Variants in GAL observed in about 807,000 individuals in gnomAD.
GAL encodes galanin peptides.
In GAL, 14 loss-of-function variants were observed where a neutral mutation model predicts 15.8. The observed-to-expected ratio is 0.89, with a 90% CI of 0.59 to 1.39. The LOEUF (loss-of-function observed/expected upper bound fraction) is 1.39. Ranked by LOEUF, GAL falls within the 40% of genes most tolerant of loss-of-function variation. The pLI is 0.00. For synonymous variants in GAL, 79 were observed against 73.8 expected (o/e 1.07, Z -0.36); for missense variants, 176 against 170.4 (o/e 1.03, Z -0.18).
chr11:68,686,661 G>T (rs192877438), intron 3 of GAL, among the ~76,000 whole-genome samples: 11 of 152,266 alleles, frequency 7.2e-5, no homozygotes, highest in African/African-American at 2.6e-4. Context: ...CGTGCGGATC[G>T]GTCCAGGCTG....
At chr11:68,686,594 C>A (rs748859299) in intron 3 of GAL, among the ~76,000 whole-genome samples, 1 of 152,316 alleles carries the variant, frequency 6.6e-6, no homozygotes, top group East Asian at 1.9e-4. Flanking sequence ...ACTCAGAGGA[C>A]CCCCAGAGTC....
At chr11:68,687,826 C>T (rs1241026880) in intron 3 of GAL, among the ~76,000 whole-genome samples, 188 bp from the exon 4 acceptor site, 3 of 152,140 alleles carry the variant, frequency 2.0e-5, no homozygotes, top group South Asian at 4.1e-4. Context: ...CTGGTGTGAG[C>T]GGCCAAGCTC....
chr11:68,686,624 C>T (rs1029342513), intron 3 of GAL, among the ~76,000 whole-genome samples: 6 of 152,214 alleles, frequency 3.9e-5, no homozygotes, highest in Admixed American at 6.5e-5. Flanking sequence ...GAAACAGACA[C>T]GGGGATGACA....
Position 68,685,651 on chromosome 11 carries a change from A to G in GAL, c.136+3A>G, listed in dbSNP as rs762854158. 8 of 1,609,826 alleles carry G rather than the reference A, an allele frequency of 5.0e-6. No individual in the cohort carries two copies. The South Asian group carries it at 5.5e-5, about 11-fold the overall frequency. ...CGCGGGCTACCTGCTGGGCCCACGT[A>G]AGTGACTGACAGCATGGCCTCCCCA... On this transcript the variant is annotated splice_donor_region_variant and intron_variant, in intron 3 of 5. Coordinates refer to ENST00000265643, the MANE Select transcript of GAL (RefSeq NM_015973.5).
At chr11:68,690,853 G>A (rs1945898005) in intron 5 of GAL, 64 bp from the exon 6 acceptor site, 2 of 1,020,018 alleles carry the variant, frequency 2.0e-6, no homozygotes, top group Admixed American at 1.7e-5. Flanking sequence ...CATGTGTCGT[G>A]GTTGTAATTC....
intron 5 of GAL, among the ~76,000 whole-genome samples, chr11:68,690,077 T>G (rs1221177083): frequency 6.6e-6 from 1 of 150,824 alleles, no homozygotes; most frequent in African/African-American, 2.5e-5. Flanking sequence ...GGGGAGGCAG[T>G]GGTGGGGAGG....
intron 3 of GAL, 37 bp downstream of exon 3, chr11:68,685,685 C>T (rs1945845731): frequency 1.4e-6 from 2 of 1,473,512 alleles, no homozygotes; most frequent in Admixed American, 1.7e-5. Context: ...CACTCCTGAC[C>T]CCACCTGCCC....
chr11:68,685,634 A>T lies in GAL; in HGVS notation c.122A>T (p.Tyr41Phe). 1 of 1,612,926 alleles carries T rather than the reference A, an allele frequency of 6.2e-7. No homozygotes were observed. The highest frequency in any genetic ancestry group is 2.2e-5 in the East Asian group (1 of 44,856). The change falls in exon 3 of 6, where the codon TAC (tyrosine) becomes TTC (phenylalanine). Residue 41 changes from tyrosine (Y) to phenylalanine (F), a missense_variant. Coordinates refer to ENST00000265643, the MANE Select transcript of GAL (RefSeq NM_015973.5). ...GGCTGGACCCTGAACAGCGCGGGCTACCTGCTGGGCCCACGTAAGTGACTG... is the reference window on the plus strand; with the variant it reads ...GGCTGGACCCTGAACAGCGCGGGCTTCCTGCTGGGCCCACGTAAGTGACTG... Reference protein sequence around the residue: ...KRGWTLNSAGYLLGPHAVGNH... With the variant: ...KRGWTLNSAGFLLGPHAVGNH...
At chr11:68,685,942 C>T (rs1945848614) in intron 3 of GAL, among the ~76,000 whole-genome samples, 1 of 152,206 alleles carries the variant, frequency 6.6e-6, no homozygotes, top group African/African-American at 2.4e-5. Flanking sequence ...GGGCCTCTCC[C>T]CAGGCCCCCG....
chr11:68,689,543 C>T (rs1356065824), intron 5 of GAL, among the ~76,000 whole-genome samples: 2 of 152,032 alleles, frequency 1.3e-5, no homozygotes, highest in Non-Finnish European at 2.9e-5. Flanking sequence ...AAAACAGGTG[C>T]GCACAATTAT....
chr11:68,686,443 C>T (rs528094729), intron 3 of GAL, among the ~76,000 whole-genome samples: 2 of 152,342 alleles, frequency 1.3e-5, no homozygotes, highest in South Asian at 2.1e-4. Context: ...GTGAACAGCA[C>T]GCAGGGCCTA....
intron 2 of GAL, 27 bp from the exon 3 acceptor site, chr11:68,685,567 C>A (rs370408784): frequency 1.3e-6 from 2 of 1,571,800 alleles, no homozygotes; most frequent in East Asian, 4.5e-5. Context: ...ACAGCCCTGG[C>A]ATCTGATCCC....
chr11:68,690,570 C>A (rs774518862), intron 5 of GAL, among the ~76,000 whole-genome samples: 6 of 152,174 alleles, frequency 3.9e-5, no homozygotes, highest in Non-Finnish European at 7.3e-5. Flanking sequence ...ACTTTTCCTA[C>A]AAGGGGCAGA....
At chr11:68,685,112 G>A in intron 2 of GAL, 108 bp downstream of exon 2, 1 of 730,340 alleles carries the variant, frequency 1.4e-6, no homozygotes, top group Non-Finnish European at 2.3e-6. Flanking sequence ...GGATGGGGGT[G>A]GAAAGTGGAA....
intron 3 of GAL, among the ~76,000 whole-genome samples, chr11:68,686,175 G>A (rs912396654): frequency 2.0e-5 from 3 of 152,098 alleles, no homozygotes; most frequent in Non-Finnish European, 2.9e-5. Flanking sequence ...CTGTGTCAGC[G>A]GTGTCCCCTG....
chr11:68,690,445 G>A (rs781318365), intron 5 of GAL, among the ~76,000 whole-genome samples: 1 of 152,172 alleles, frequency 6.6e-6, no homozygotes, highest in Non-Finnish European at 1.5e-5. Flanking sequence ...AGCGGGGGAA[G>A]GAGACTGCCA....
chr11:68,687,148 A>C (rs1393509701), intron 3 of GAL, among the ~76,000 whole-genome samples: 1 of 152,170 alleles, frequency 6.6e-6, no homozygotes, highest in Non-Finnish European at 1.5e-5. Context: ...TTTAGCACCA[A>C]GAACGGCATC....
chr11:68,685,969 C>T lies in GAL; in HGVS notation c.136+321C>T, dbSNP rs1427822968. 3.9e-5 allele frequency among the ~76,000 whole-genome samples: 6 copies of T among 152,312 alleles called. No individual in the cohort carries two copies. The South Asian group carries it at 1.0e-3, about 26-fold the overall frequency. ...AGGCCCCCGGGTCTCCCAAAACACT[C>T]AACTCCTCGGCTTGCAGAGCACCCT... On this transcript the variant is annotated intron_variant, in intron 3 of 5. Transcript: ENST00000265643.
Position 68,686,788 on chromosome 11 carries a change from T to G in GAL, c.136+1140T>G, listed in dbSNP as rs550276598. On this transcript the variant is annotated intron_variant, in intron 3 of 5. Coordinates refer to ENST00000265643, the MANE Select transcript of GAL (RefSeq NM_015973.5). The stretch of plus-strand genomic sequence containing the variant: ...CTCAACCCTTTGCAACCCTGAGCTC[T>G]GCCACTCAGAGGGCACCTCATCTTT... 5.9e-5 allele frequency among the ~76,000 whole-genome samples: 9 copies of G among 152,284 alleles called. No individual in the cohort carries two copies. The East Asian group carries it at 1.7e-3, about 29-fold the overall frequency.
Sources: allele counts gnomAD v4.1 joint callset (sites outside exome capture counted in the v4.1 genomes callset), GRCh38; gene constraint gnomAD v4.1.1; transcripts MANE v1.5; gene names NCBI Gene and HGNC (gene_info 2026-07-23, HGNC 2026-07-21).